Variants in KCNG3 observed in about 807,000 individuals in gnomAD.
The protein encoded by KCNG3 is voltage-gated potassium channel regulatory subunit KCNG3.
KCNG3 carries 15 observed loss-of-function variants against 29.0 expected under a neutral mutation model. The observed-to-expected ratio is 0.52, with a 90% confidence interval of 0.35 to 0.80. The LOEUF (loss-of-function observed/expected upper bound fraction) is 0.80, where lower values mean the gene tolerates loss of function less well. KCNG3 is among the 30% of genes least tolerant of loss of function. The pLI, the probability that KCNG3 is intolerant of heterozygous loss-of-function variation, is 0.01. For synonymous variants in KCNG3, 322 were observed against 248.9 expected, an observed-to-expected ratio of 1.29 and a Z score of -2.76; for missense variants, 512 against 605.7, an observed-to-expected ratio of 0.85 and a Z score of 1.62.
At chr2:42,416,301 T>C in the KCNG3 span, among the ~76,000 whole-genome samples, 1 of 152,136 alleles carries the variant, frequency 6.6e-6, no homozygotes, top group Non-Finnish European at 1.5e-5. Context: ...GAGTTAACAA[T>C]AATATATTGT....
chr2:42,468,068 T>C (rs1371641655), intron 1 of KCNG3, among the ~76,000 whole-genome samples: 2 of 151,350 alleles, frequency 1.3e-5, no homozygotes, highest in African/African-American at 4.9e-5. Flanking sequence ...GAAACACAGA[T>C]GCAAAAATTC....
At chr2:42,407,641 C>A in the KCNG3 span, among the ~76,000 whole-genome samples, 2 of 152,162 alleles carry the variant, frequency 1.3e-5, no homozygotes, top group African/African-American at 4.8e-5. Flanking sequence ...GCTTGGGGGG[C>A]AGCTGCAGCT....
intron 1 of KCNG3, among the ~76,000 whole-genome samples, chr2:42,467,106 T>C (rs1421789986): frequency 2.0e-5 from 3 of 152,086 alleles, no homozygotes; most frequent in Non-Finnish European, 4.4e-5. Flanking sequence ...TCCATGAAGA[T>C]AAATGTGAAA....
the KCNG3 span, among the ~76,000 whole-genome samples, chr2:42,412,095 T>G: frequency 6.6e-6 from 1 of 152,234 alleles, no homozygotes; most frequent in South Asian, 2.1e-4. Context: ...TATTCCAGTG[T>G]CTAGTCACTA....
chr2:42,464,094 C>T (rs112461229), intron 1 of KCNG3: 8 of 206,332 alleles, frequency 3.9e-5, no homozygotes, highest in Admixed American at 3.0e-4. Flanking sequence ...TTTTGAAAAG[C>T]GAGGTAGTTC....
At chr2:42,405,634 G>GTC in the KCNG3 span, among the ~76,000 whole-genome samples, 1 of 151,486 alleles carries the variant, frequency 6.6e-6, no homozygotes, top group African/African-American at 2.4e-5. Flanking sequence ...TTGAGACAGA[G>GTC]TCTCACTCTG....
chr2:42,445,638 T>A (rs1284735268), intron 1 of KCNG3, among the ~76,000 whole-genome samples: 1 of 152,212 alleles, frequency 6.6e-6, no homozygotes, highest in African/African-American at 2.4e-5. Context: ...AGACCACATT[T>A]TACCTAGAGC....
chr2:42,489,567 G>T (rs1460517628), intron 1 of KCNG3, among the ~76,000 whole-genome samples: 1 of 152,092 alleles, frequency 6.6e-6, no homozygotes, highest in Non-Finnish European at 1.5e-5. Context: ...GTACAAATAA[G>T]CAATTCCTTA....
chr2:42,396,777 T>C, the KCNG3 span, among the ~76,000 whole-genome samples: 1 of 152,174 alleles, frequency 6.6e-6, no homozygotes. Context: ...AGGAAATTGC[T>C]TTGAAAACTG....
At chr2:42,414,054 G>C in the KCNG3 span, among the ~76,000 whole-genome samples, 1 of 152,152 alleles carries the variant, frequency 6.6e-6, no homozygotes. Flanking sequence ...TTTTGGCCTA[G>C]AATGTAATTA....
the KCNG3 span, among the ~76,000 whole-genome samples, chr2:42,415,926 G>A: frequency 6.6e-6 from 1 of 152,162 alleles, no homozygotes; most frequent in African/African-American, 2.4e-5. Flanking sequence ...CGGGCGCAGT[G>A]GCTCATGGCT....
chr2:42,476,617 G>C (rs1673433445), intron 1 of KCNG3, among the ~76,000 whole-genome samples: 1 of 151,810 alleles, frequency 6.6e-6, no homozygotes, highest in African/African-American at 2.4e-5. Context: ...CTCCCAAGTA[G>C]CTGGGGTTAT....
intron 1 of KCNG3, among the ~76,000 whole-genome samples, chr2:42,468,721 G>A (rs1398277781): frequency 1.3e-5 from 2 of 151,958 alleles, no homozygotes; most frequent in East Asian, 3.9e-4. Context: ...TTGGGAGGAT[G>A]AGGCAAGTGG....
intron 1 of KCNG3, among the ~76,000 whole-genome samples, chr2:42,456,043 T>C (rs1270626400): frequency 6.6e-6 from 1 of 151,304 alleles, no homozygotes; most frequent in Non-Finnish European, 1.5e-5. Flanking sequence ...AAATGTTATA[T>C]GAATCCAAAC....
the KCNG3 span, among the ~76,000 whole-genome samples, chr2:42,400,844 G>A: frequency 3.3e-5 from 5 of 151,856 alleles, no homozygotes; most frequent in African/African-American, 1.2e-4. Context: ...ATTTTTAAAG[G>A]AAGTTGGAAA....
At chr2:42,453,050 G>A (rs925982954) in intron 1 of KCNG3, among the ~76,000 whole-genome samples, 1 of 152,248 alleles carries the variant, frequency 6.6e-6, no homozygotes, top group Admixed American at 6.5e-5. Flanking sequence ...CCAAAGTGCT[G>A]AGATTACAGG....
intron 1 of KCNG3, among the ~76,000 whole-genome samples, chr2:42,471,155 A>AGTGT (rs565717729): frequency 0.13 from 18,453 of 137,426 alleles, 1,269 homozygotes; most frequent in Non-Finnish European, 0.15. Context: ...GTCTCAAAAA[A>AGTGT]GTGTGTGTGT....
At chr2:42,461,162 A>AAAAACAAAAC (rs1435316917) in intron 1 of KCNG3, among the ~76,000 whole-genome samples, 5 of 94,534 alleles carry the variant, frequency 5.3e-5, no homozygotes, top group African/African-American at 8.6e-5. Flanking sequence ...CTCTGTCTCC[A>AAAAACAAAAC]AAAACAAAAC....
rs563264378 is a variant in KCNG3 at position 42,456,668 on chromosome 2, C to T, written c.666-12089G>A. 2.6e-5 allele frequency among the ~76,000 whole-genome samples: 4 copies of T among 152,256 alleles called. No homozygotes were observed. The South Asian group carries it at 8.3e-4, about 32-fold the overall frequency. ...TATGCCCAACTAGAAGAGCAATCAC[C>T]ATAATCAAGTCATCAGCAGCTTAAA... On this transcript the variant is annotated intron_variant, in intron 1 of 1. Coordinates refer to ENST00000306078, the MANE Select transcript of KCNG3 (RefSeq NM_133329.6).
Sources: gnomAD v4.1 joint callset for allele counts (sites outside exome capture counted in the v4.1 genomes callset) on GRCh38, gnomAD v4.1.1 for gene constraint, MANE v1.5 for transcripts, NCBI Gene and HGNC (gene_info 2026-07-23, HGNC 2026-07-21) for gene names.